Variants in PLEKHA7 observed in about 807,000 individuals in gnomAD.
The protein encoded by PLEKHA7 is pleckstrin homology domain containing A7.
Under a neutral mutation model 170.0 loss-of-function variants are expected in PLEKHA7, and 104 were observed. The ratio of observed to expected loss-of-function variants is 0.61; its 90% CI spans 0.52 to 0.72. The LOEUF (loss-of-function observed/expected upper bound fraction) is 0.72. Among genes scored for constraint, PLEKHA7 ranks in the 30% least tolerant of loss-of-function variants. The probability of loss-of-function intolerance (pLI) is 0.00; values close to 1 mark genes in which losing one functional copy is unlikely to be tolerated. For synonymous variants in PLEKHA7, 648 were observed against 660.8 expected (o/e 0.98, Z 0.30); for missense variants, 1,615 against 1,671.7 (o/e 0.97, Z 0.59).
chr11:16,859,284 T>C (rs1183316367), intron 4 of PLEKHA7, among the ~76,000 whole-genome samples: 1 of 152,248 alleles, frequency 6.6e-6, no homozygotes, highest in East Asian at 1.9e-4. Context: ...GTTTCTTTGA[T>C]GCTCTCAACG....
intron 9 of PLEKHA7, 99 bp downstream of exon 9, chr11:16,841,448 C>G: frequency 1.5e-6 from 2 of 1,341,542 alleles, no homozygotes; most frequent in Non-Finnish European, 2.1e-6. Flanking sequence ...ATGCTTAATA[C>G]AAGTGAGTAA....
At chr11:16,800,833 A>G in intron 17 of PLEKHA7, 141 bp downstream of exon 17, 1 of 695,842 alleles carries the variant, frequency 1.4e-6, no homozygotes, top group Non-Finnish European at 2.5e-6. Flanking sequence ...TGGCTCCTTT[A>G]CAGGGGTGGA....
At chr11:16,783,319 A>G (rs887211662) in intron 25 of PLEKHA7, among the ~76,000 whole-genome samples, 1 of 152,168 alleles carries the variant, frequency 6.6e-6, no homozygotes, top group Non-Finnish European at 1.5e-5. Flanking sequence ...CTTGGCTCTG[A>G]TCCGCTGGTC....
At chr11:16,783,195 A>G (rs1323963876) in intron 25 of PLEKHA7, among the ~76,000 whole-genome samples, 1 of 152,210 alleles carries the variant, frequency 6.6e-6, no homozygotes, top group Non-Finnish European at 1.5e-5. Context: ...AAACAAGATT[A>G]AATTTCTGAA....
chr11:16,851,411 C>G, intron 7 of PLEKHA7, 120 bp from the exon 8 acceptor site: 1 of 533,262 alleles, frequency 1.9e-6, no homozygotes, highest in African/African-American at 1.9e-5. Flanking sequence ...CATCCTCCCA[C>G]AACCCACACA....
Position 16,794,992 on chromosome 11 carries a change from T to A in PLEKHA7, c.2436A>T (p.Leu812=), listed in dbSNP as rs144733227. Residue 812 remains leucine, a synonymous_variant, in exon 18 of 27, where the codon CTA becomes CTT. Coordinates refer to ENST00000531066, the MANE Select transcript of PLEKHA7 (RefSeq NM_001329630.2). Reference sequence around the variant, plus strand: ...CTGCAGTGACATCTTCAATTCTCCATAGATCTTTCTGTATCTGCGATTTCT... The same window carrying A: ...CTGCAGTGACATCTTCAATTCTCCAAAGATCTTTCTGTATCTGCGATTTCT... ...FQEKSQIQKD[L]WRIEDVTAGL... 1 of 1,613,874 alleles carries A rather than the reference T, an allele frequency of 6.2e-7. No individual in the cohort carries two copies. The highest frequency in any genetic ancestry group is 1.1e-5 in the South Asian group (1 of 91,078).
At chr11:16,796,084 C>T (rs1848213162) in intron 17 of PLEKHA7, among the ~76,000 whole-genome samples, 1 of 151,944 alleles carries the variant, frequency 6.6e-6, no homozygotes. Flanking sequence ...GTCTTGAACT[C>T]CTGACCTCAG....
intron 3 of PLEKHA7, among the ~76,000 whole-genome samples, chr11:16,878,840 A>G (rs1218448098): frequency 6.6e-6 from 1 of 152,250 alleles, no homozygotes; most frequent in Non-Finnish European, 1.5e-5. Flanking sequence ...AATGGTCATC[A>G]GCCATCAGAA....
At chr11:16,916,086 T>G (rs1359724763) in intron 3 of PLEKHA7, among the ~76,000 whole-genome samples, 2 of 151,956 alleles carry the variant, frequency 1.3e-5, no homozygotes, top group African/African-American at 2.4e-5. Flanking sequence ...CTCATTGTGG[T>G]TTTGATTTGC....
At chr11:16,921,403 A>G (rs1159892674) in intron 3 of PLEKHA7, among the ~76,000 whole-genome samples, 1 of 152,244 alleles carries the variant, frequency 6.6e-6, no homozygotes, top group East Asian at 1.9e-4. Flanking sequence ...TGTGTCCATC[A>G]GCCCCACAGA....
chr11:16,851,146 A>G lies in PLEKHA7; in HGVS notation c.696+45T>C, dbSNP rs149259324. On this transcript the variant is annotated intron_variant, in intron 8 of 26. Coordinates refer to ENST00000531066, the MANE Select transcript of PLEKHA7 (RefSeq NM_001329630.2). Reference sequence around the variant, plus strand: ...TTTTATGAAGACATTTTGAGAACACAGTTTCTTAGACAGAATGGCTGCATT... The same window carrying G: ...TTTTATGAAGACATTTTGAGAACACGGTTTCTTAGACAGAATGGCTGCATT... 4.0e-4 allele frequency: 577 copies of G among 1,429,498 alleles called. 5 individuals carry two copies. The African/African-American group carries it at 6.8e-3, about 17-fold the overall frequency. 88.6% of individuals were successfully genotyped at this position (1,429,498 alleles called of 1,614,324 possible).
In PLEKHA7 at chr11:16,790,921, G is replaced by A. The variant is rs759498708; in HGVS notation, c.2935-6C>T. 5.0e-6 allele frequency: 8 copies of A among 1,613,534 alleles called. No homozygotes were observed. The African/African-American group carries it at 8.0e-5, about 16-fold the overall frequency. On this transcript the variant is annotated splice_polypyrimidine_tract_variant and splice_region_variant and intron_variant, in intron 20 of 26. Transcript: ENST00000531066. ...ACATACGACCGCAGCTCCACCTGTG[G>A]GCAGAGTCCCAGGTGATGTGACCTG...
intron 3 of PLEKHA7, among the ~76,000 whole-genome samples, chr11:16,952,040 A>G (rs1346832911): frequency 6.6e-6 from 1 of 152,252 alleles, no homozygotes; most frequent in Non-Finnish European, 1.5e-5. Flanking sequence ...CTAATGCACT[A>G]TATCTGTGGG....
intron 3 of PLEKHA7, among the ~76,000 whole-genome samples, chr11:16,988,560 C>T (rs4469869): frequency 0.31 from 47,020 of 152,024 alleles, 7,444 homozygotes; most frequent in East Asian, 0.42. Flanking sequence ...GATTCTCCTG[C>T]CTCAGCCTCT....
At chr11:16,855,694 T>C (rs905838457) in intron 5 of PLEKHA7, 109 bp downstream of exon 5, 52 of 812,336 alleles carry the variant, frequency 6.4e-5, no homozygotes, top group Non-Finnish European at 9.6e-5. Context: ...ACACTTCTTA[T>C]GGGTCTCTCT....
intron 3 of PLEKHA7, among the ~76,000 whole-genome samples, chr11:16,900,989 C>T (rs975070050): frequency 2.0e-5 from 3 of 151,880 alleles, no homozygotes; most frequent in African/African-American, 2.4e-5. Context: ...GGATTATAGG[C>T]GCCCGCCACC....
At chr11:16,839,382 T>G (rs1462466930) in intron 9 of PLEKHA7, among the ~76,000 whole-genome samples, 1 of 150,858 alleles carries the variant, frequency 6.6e-6, no homozygotes, top group South Asian at 2.1e-4. Context: ...GTTTTTGCAT[T>G]TTTATATTTA....
chr11:16,791,341 C>T lies in PLEKHA7; in HGVS notation c.2746-142G>A. The T allele has an allele frequency of 2.7e-6, 2 of 735,722 alleles. No homozygotes were observed. The highest frequency in any genetic ancestry group is 5.4e-5 in the East Asian group (2 of 36,938). 45.6% of individuals were successfully genotyped at this position (735,722 alleles called of 1,614,324 possible). A position where few individuals can be genotyped will look rare whatever the true frequency, so the allele number is the denominator to read the frequency against. On this transcript the variant is annotated intron_variant, in intron 19 of 26. Coordinates refer to ENST00000531066, the MANE Select transcript of PLEKHA7 (RefSeq NM_001329630.2). This position sits in a 1 kb window ranked among gnomAD's most constrained non-coding sequence, Gnocchi z 4.5. ...ACATGACTGCCTCAGCCAAGGAGCA[C>T]TCACACTTCCCCTGGCGGAGCAGTG...
At chr11:16,895,894 G>A (rs1856963306) in intron 3 of PLEKHA7, among the ~76,000 whole-genome samples, 1 of 152,142 alleles carries the variant, frequency 6.6e-6, no homozygotes, top group Non-Finnish European at 1.5e-5. Context: ...TGCCAAAATT[G>A]ATTAAGAGAG....
Sources: gnomAD v4.1 joint callset for allele counts (sites outside exome capture counted in the v4.1 genomes callset) on GRCh38, gnomAD v4.1.1 for gene constraint, Gnocchi (gnomAD v3.1) non-coding constraint, MANE v1.5 for transcripts, NCBI Gene and HGNC (gene_info 2026-07-23, HGNC 2026-07-21) for gene names.